The following BICD1 variants were observed in gnomAD, a reference collection of about 807,000 sequenced individuals.
The protein encoded by BICD1 is BICD cargo adaptor 1.
A neutral mutation model predicts 92.5 loss-of-function variants in BICD1; 35 were observed. The observed-to-expected ratio is 0.38, with a 90% CI of 0.29 to 0.50. BICD1 has a LOEUF of 0.50. Ranked by LOEUF, BICD1 falls within the 20% of genes least tolerant of loss-of-function variation. The pLI, the probability that BICD1 is intolerant of heterozygous loss-of-function variation, is 0.93. For missense variants in BICD1, 950 were observed against 1,189.8 expected, an observed-to-expected ratio of 0.80 and a Z score of 2.97; for synonymous variants, 429 against 465.1, an observed-to-expected ratio of 0.92 and a Z score of 1.00.
chr12:32,348,697 A>G (rs1178243202), intron 8 of BICD1, among the ~76,000 whole-genome samples: 1 of 98,818 alleles, frequency 1.0e-5, no homozygotes, highest in Non-Finnish European at 2.1e-5. Context: ...CCCAAACCCG[A>G]AATGATGCTT....
At chr12:32,168,918 C>T (rs117850713) in intron 1 of BICD1, among the ~76,000 whole-genome samples, 112 of 152,050 alleles carry the variant, frequency 7.4e-4, no homozygotes, top group Non-Finnish European at 1.3e-3. Context: ...GCCGAGATCG[C>T]GCGATTGCAC....
At chr12:32,159,400 A>G (rs1268453040) in intron 1 of BICD1, among the ~76,000 whole-genome samples, 3 of 152,204 alleles carry the variant, frequency 2.0e-5, no homozygotes. Flanking sequence ...AGAGAGAAAT[A>G]CTATAAAAAG....
chr12:32,240,977 T>C (rs2136081756), intron 2 of BICD1, among the ~76,000 whole-genome samples: 1 of 152,264 alleles, frequency 6.6e-6, no homozygotes, highest in East Asian at 1.9e-4. Flanking sequence ...TATTTTGCAT[T>C]ACCCTTCCTG....
chr12:32,175,185 C>G (rs74475433), intron 1 of BICD1, among the ~76,000 whole-genome samples: 3,907 of 152,132 alleles, frequency 0.026, 168 homozygotes, highest in African/African-American at 0.09. Flanking sequence ...CTAGTTTATC[C>G]CCAGCATTCT....
At chr12:32,232,028 A>G (rs1945908173) in intron 2 of BICD1, among the ~76,000 whole-genome samples, 7 of 150,188 alleles carry the variant, frequency 4.7e-5, no homozygotes, top group Admixed American at 1.3e-4. Context: ...TGCTATTGTG[A>G]ATAATGCCGC....
At chr12:32,140,972 C>T (rs1023912433) in intron 1 of BICD1, among the ~76,000 whole-genome samples, 1 of 152,174 alleles carries the variant, frequency 6.6e-6, no homozygotes, top group Non-Finnish European at 1.5e-5. Context: ...GTTTGCATGA[C>T]CCAGAAAGGA....
At chr12:32,246,779 A>C (rs1946399911) in intron 2 of BICD1, among the ~76,000 whole-genome samples, 1 of 152,170 alleles carries the variant, frequency 6.6e-6, no homozygotes, top group African/African-American at 2.4e-5. Context: ...TAGGCACAAG[A>C]GATACAGCAA....
intron 1 of BICD1, among the ~76,000 whole-genome samples, chr12:32,156,927 T>C (rs1332091221): frequency 6.6e-6 from 1 of 152,222 alleles, no homozygotes; most frequent in Non-Finnish European, 1.5e-5. Context: ...AAATTGTTTT[T>C]CATATATATA....
intron 1 of BICD1, among the ~76,000 whole-genome samples, chr12:32,188,349 A>G (rs1944476478): frequency 6.6e-6 from 1 of 152,230 alleles, no homozygotes; most frequent in South Asian, 2.1e-4. Flanking sequence ...TATATTGGTG[A>G]GATTAATTAC....
intron 1 of BICD1, among the ~76,000 whole-genome samples, chr12:32,164,275 G>A (rs369299872): frequency 6.6e-6 from 1 of 152,154 alleles, no homozygotes. Context: ...AATGTATCTT[G>A]TTTACCAATG....
At chr12:32,168,996 T>C (rs536842748) in intron 1 of BICD1, among the ~76,000 whole-genome samples, 53 of 152,062 alleles carry the variant, frequency 3.5e-4, no homozygotes, top group African/African-American at 1.2e-3. Context: ...AAATTGACCA[T>C]TGAGAAAAAC....
Position 32,349,882 on chromosome 12 carries a change from G to A in BICD1, c.2764+10903G>A, listed in dbSNP as rs943436017. 2.0e-5 allele frequency among the ~76,000 whole-genome samples: 3 copies of A among 152,260 alleles called. No individual in the cohort carries two copies. The East Asian group carries it at 5.8e-4, about 29-fold the overall frequency. ...TTGATTTCTCTGTCAAAATGGGTGG[G>A]ATTTGATATCTAAAAAAGTATACCA... On this transcript the variant is annotated intron_variant, in intron 8 of 9. Coordinates refer to ENST00000652176, the MANE Select transcript of BICD1 (RefSeq NM_001714.4).
At chr12:32,225,621 GT>G (rs58895470) in intron 2 of BICD1, among the ~76,000 whole-genome samples, 28,995 of 92,468 alleles carry the variant, frequency 0.31, 4,430 homozygotes, top group Middle Eastern at 0.46. Context: ...CTTTTTTTCT[GT>G]TTTTTTTTTT....
At chr12:32,316,912 G>C (rs1948519832) in intron 4 of BICD1, among the ~76,000 whole-genome samples, 1 of 151,836 alleles carries the variant, frequency 6.6e-6, no homozygotes, top group Non-Finnish European at 1.5e-5. Context: ...GTGTCCATGT[G>C]TTCTCATTGT....
At position 32,282,946 on chromosome 12, in the gene BICD1, G is replaced by A. The variant is rs570390507; in HGVS notation, c.427-11048G>A. 4.6e-5 allele frequency among the ~76,000 whole-genome samples: 7 copies of A among 152,304 alleles called. No individual in the cohort carries two copies. The South Asian group carries it at 1.2e-3, about 27-fold the overall frequency. On this transcript the variant is annotated intron_variant, in intron 2 of 9. Coordinates refer to ENST00000652176, the MANE Select transcript of BICD1 (RefSeq NM_001714.4). ...GATTTAAGAATAGATGTTCATGACC[G>A]TAGAAGTGGAAATATGAATATAAAG...
intron 7 of BICD1, chr12:32,338,161 A>T (rs939733482): frequency 4.3e-6 from 1 of 231,896 alleles, no homozygotes; most frequent in African/African-American, 2.2e-5. Context: ...ATTAAGAATG[A>T]AGCTGTGTTC....
intron 2 of BICD1, among the ~76,000 whole-genome samples, chr12:32,274,982 C>T (rs1947238226): frequency 6.7e-6 from 1 of 149,324 alleles, no homozygotes; most frequent in African/African-American, 2.5e-5. Flanking sequence ...TTGTAATAGT[C>T]TTGGCACATT....
intron 2 of BICD1, among the ~76,000 whole-genome samples, chr12:32,239,527 T>C (rs941676679): frequency 6.8e-5 from 10 of 146,628 alleles, no homozygotes; most frequent in Admixed American, 6.1e-4. Flanking sequence ...GAGCGCACCA[T>C]TGCACTCCAG....
intron 2 of BICD1, among the ~76,000 whole-genome samples, chr12:32,245,451 A>G (rs1431089265): frequency 6.6e-6 from 1 of 152,160 alleles, no homozygotes; most frequent in East Asian, 1.9e-4. Flanking sequence ...CCCAGGACTA[A>G]GATCAAGTGA....
Sources: allele counts gnomAD v4.1 joint callset (sites outside exome capture counted in the v4.1 genomes callset), GRCh38; gene constraint gnomAD v4.1.1; transcripts MANE v1.5; gene names NCBI Gene and HGNC (gene_info 2026-07-23, HGNC 2026-07-21).